Variants in TAF3 observed in about 807,000 individuals in gnomAD.
TAF3 encodes the protein TATA-box binding protein associated factor 3.
Under a neutral mutation model 80.6 loss-of-function variants are expected in TAF3, and 7 were observed. That is an observed-to-expected ratio of 0.09 (90% CI 0.05 to 0.16). The LOEUF (loss-of-function observed/expected upper bound fraction) is 0.16. TAF3 is among the 10% of genes least tolerant of loss of function. The probability of loss-of-function intolerance (pLI) is 1.00; values close to 1 mark genes in which losing one functional copy is unlikely to be tolerated. For missense variants in TAF3, 921 were observed against 1,140.2 expected (o/e 0.81, Z 2.77); for synonymous variants, 444 against 446.1 (o/e 1.00, Z 0.06).
chr10:7,987,910 T>C (rs1168175655), intron 4 of TAF3, among the ~76,000 whole-genome samples: 1 of 152,202 alleles, frequency 6.6e-6, no homozygotes, highest in Non-Finnish European at 1.5e-5. Flanking sequence ...TGGTGCTGGC[T>C]CCGTCTCAGG....
chr10:7,825,278 C>G (rs1836728823), intron 2 of TAF3, among the ~76,000 whole-genome samples: 1 of 152,132 alleles, frequency 6.6e-6, no homozygotes, highest in African/African-American at 2.4e-5. Flanking sequence ...ATTCTAAAAC[C>G]TGTATACTTC....
chr10:7,865,207 C>T (rs1034644796), intron 2 of TAF3, among the ~76,000 whole-genome samples: 4 of 152,022 alleles, frequency 2.6e-5, no homozygotes, highest in Admixed American at 2.0e-4. Flanking sequence ...GTGGCTCATG[C>T]CTGTAATCCC....
At chr10:7,851,539 A>G (rs1438741175) in intron 2 of TAF3, among the ~76,000 whole-genome samples, 1 of 152,120 alleles carries the variant, frequency 6.6e-6, no homozygotes, top group African/African-American at 2.4e-5. Context: ...ATTTTCAAGC[A>G]TGTAAAAGTA....
At chr10:8,001,718 C>G (rs1831944828) in intron 4 of TAF3, among the ~76,000 whole-genome samples, 1 of 151,908 alleles carries the variant, frequency 6.6e-6, no homozygotes, top group Non-Finnish European at 1.5e-5. Flanking sequence ...TTTCTTTTAC[C>G]TAATTTTTAA....
At chr10:8,014,570 A>G (rs1832085636) in intron 6 of TAF3, 67 bp from the exon 7 acceptor site, 1 of 1,385,258 alleles carries the variant, frequency 7.2e-7, no homozygotes, top group Admixed American at 2.4e-5. Flanking sequence ...ATTACTTTAA[A>G]ACATGGAAGG....
chr10:7,879,700 A>G (rs1837342178), intron 2 of TAF3, among the ~76,000 whole-genome samples: 1 of 152,146 alleles, frequency 6.6e-6, no homozygotes, highest in Non-Finnish European at 1.5e-5. Flanking sequence ...CACTTTATTC[A>G]TCTGATGGGC....
intron 2 of TAF3, among the ~76,000 whole-genome samples, chr10:7,959,518 A>G (rs926505561): frequency 6.6e-6 from 1 of 152,236 alleles, no homozygotes; most frequent in Non-Finnish European, 1.5e-5. Flanking sequence ...AACAATAAAA[A>G]CAAAATAACA....
chr10:7,942,332 A>G (rs1195991730), intron 2 of TAF3, among the ~76,000 whole-genome samples: 1 of 152,230 alleles, frequency 6.6e-6, no homozygotes, highest in Non-Finnish European at 1.5e-5. Context: ...ATTTTAAGCC[A>G]TCTGCTTTAA....
At chr10:8,013,664 A>G in intron 5 of TAF3, 67 bp from the exon 6 acceptor site, 1 of 1,270,664 alleles carries the variant, frequency 7.9e-7, no homozygotes, top group Non-Finnish European at 1.1e-6. Context: ...AATCATTCTG[A>G]TCTGGCCTCT....
rs192973030 is a variant in TAF3 at position 7,963,202 on chromosome 10, C to T, written c.410-718C>T. ...AAAAGTCCTAAAAATACCTGTCATT[C>T]CTGATAATAATAATAATCCATACTA... is the stretch of plus-strand genomic sequence containing the variant. On this transcript the variant is annotated intron_variant, in intron 2 of 6. Transcript: ENST00000344293. Among the ~76,000 whole-genome samples the T allele has an allele frequency of 2.0e-5, 3 of 152,176 alleles. No individual in the cohort carries two copies. In the East Asian group the frequency reaches 5.8e-4, roughly 29 times the overall value.
chr10:7,906,047 G>A (rs535128632), intron 2 of TAF3, among the ~76,000 whole-genome samples: 1 of 152,202 alleles, frequency 6.6e-6, no homozygotes, highest in Admixed American at 6.5e-5. Flanking sequence ...ATTGTGTCAG[G>A]ATAATTAAAA....
intron 2 of TAF3, among the ~76,000 whole-genome samples, chr10:7,826,358 C>A (rs1836740793): frequency 6.6e-6 from 1 of 152,116 alleles, no homozygotes; most frequent in Admixed American, 6.6e-5. Context: ...CTATGGTTAT[C>A]ATATTTAAAT....
chr10:7,917,205 A>G (rs1050789469), intron 2 of TAF3, among the ~76,000 whole-genome samples: 10 of 152,224 alleles, frequency 6.6e-5, no homozygotes, highest in Non-Finnish European at 8.8e-5. Context: ...TCAGGCGGTA[A>G]TAAGTGCTGT....
intron 2 of TAF3, among the ~76,000 whole-genome samples, chr10:7,866,412 C>T (rs934862680): frequency 3.3e-5 from 5 of 152,176 alleles, no homozygotes; most frequent in African/African-American, 1.2e-4. Flanking sequence ...GGCAGGCCTT[C>T]TCTGAGAAGG....
intron 2 of TAF3, among the ~76,000 whole-genome samples, chr10:7,856,576 G>A (rs528761831): frequency 6.6e-6 from 1 of 152,284 alleles, no homozygotes; most frequent in East Asian, 1.9e-4. Flanking sequence ...CAAAAGTTCA[G>A]AGCAGAAGCC....
intron 4 of TAF3, among the ~76,000 whole-genome samples, chr10:7,999,986 T>C (rs1161338829): frequency 6.6e-6 from 1 of 152,234 alleles, no homozygotes; most frequent in Non-Finnish European, 1.5e-5. Context: ...TATCATTTTT[T>C]CCCCAGTAAA....
chr10:8,011,921 T>TAATC (rs1395933186), intron 5 of TAF3, among the ~76,000 whole-genome samples: 2 of 152,210 alleles, frequency 1.3e-5, no homozygotes, highest in African/African-American at 4.8e-5. Context: ...CTCACGCCTA[T>TAATC]AATCCCAGCA....
chr10:8,008,867 A>G (rs2131440904), intron 4 of TAF3, among the ~76,000 whole-genome samples: 1 of 152,348 alleles, frequency 6.6e-6, no homozygotes, highest in East Asian at 1.9e-4. Context: ...CTGTCTGGCC[A>G]TTGAGGGGAA....
intron 4 of TAF3, among the ~76,000 whole-genome samples, chr10:7,989,749 C>G (rs1588578687): frequency 6.6e-6 from 1 of 152,128 alleles, no homozygotes; most frequent in Non-Finnish European, 1.5e-5. Flanking sequence ...AACAATATCT[C>G]GGCGTTTGGT....
Sources: allele counts gnomAD v4.1 joint callset (sites outside exome capture counted in the v4.1 genomes callset), GRCh38; gene constraint gnomAD v4.1.1; transcripts MANE v1.5; gene names NCBI Gene and HGNC (gene_info 2026-07-23, HGNC 2026-07-21).